Variants in NAGA observed in about 807,000 individuals in gnomAD.
NAGA encodes alpha-N-acetylgalactosaminidase, also known as Acetylgalactosaminidase, alpha-N- (alpha-galactosidase B).
In NAGA, 42 loss-of-function variants were observed where a neutral mutation model predicts 45.6. The ratio of observed to expected loss-of-function variants is 0.92; its 90% CI spans 0.72 to 1.19. The LOEUF (loss-of-function observed/expected upper bound fraction) is 1.19, where lower values mean the gene tolerates loss of function less well. NAGA is among the 50% of genes most tolerant of loss of function. The probability of loss-of-function intolerance (pLI) is 0.00; values close to 1 mark genes in which losing one functional copy is unlikely to be tolerated. For synonymous variants in NAGA, 176 were observed against 203.1 expected (o/e 0.87, Z 1.13); for missense variants, 493 against 544.8 (o/e 0.90, Z 0.95).
At position 42,067,956 on chromosome 22, in the gene NAGA, T is replaced by A. The variant is rs751221139; in HGVS notation, c.153-20A>T. 1.1e-5 allele frequency: 18 copies of A among 1,612,406 alleles called. No homozygotes were observed. The highest frequency in any genetic ancestry group is 1.4e-5 in the Non-Finnish European group (17 of 1,179,532). ...TGTTCACTAGTGAGGGGCAGAGGGA[T>A]GGGGTAGCTCAGGGACCCAGCCCGG... On this transcript the variant is annotated intron_variant, in intron 2 of 8. Transcript: ENST00000396398.
rs930915818 is a variant in NAGA at position 42,060,176 on chromosome 22, C to T, written c.*103G>A. 3 of 1,476,174 alleles carry T rather than the reference C, an allele frequency of 2.0e-6. No homozygotes were observed. Among genetic ancestry groups the T allele is most frequent in the Non-Finnish European group, 2.8e-6 (3 of 1,067,582 alleles). 91.4% of individuals were successfully genotyped at this position (1,476,174 alleles called of 1,614,324 possible). Reference sequence around the variant, plus strand: ...GGGTATGATGGGGTCAGTCACCGAGCAGGCCTGGGGAGCAGAGAACCTCCC... The same window carrying T: ...GGGTATGATGGGGTCAGTCACCGAGTAGGCCTGGGGAGCAGAGAACCTCCC... On this transcript the variant is annotated 3_prime_UTR_variant, in exon 9 of 9. Transcript: ENST00000396398.
Position 42,062,859 on chromosome 22 carries a change from G to A in NAGA, c.925C>T (p.Pro309Ser), listed in dbSNP as rs760857039. ...NPLMIKINQD[P>S]LGIQGRRIHK... Reference sequence around the variant, plus strand: ...ATCCTGCGTCCCTGGATGCCTAAGGGATCCTGGTTGATTTTGATCATGAGT... The same window carrying A: ...ATCCTGCGTCCCTGGATGCCTAAGGAATCCTGGTTGATTTTGATCATGAGT... Residue 309 changes from proline to serine, a missense_variant, in exon 7 of 9, where the codon CCC (proline) becomes TCC (serine). By Grantham distance (74) the Pro-to-Ser change is moderately conservative (BLOSUM62 -1). Coordinates refer to ENST00000396398, the MANE Select transcript of NAGA (RefSeq NM_000262.3). 83 of 1,614,048 alleles carry A rather than the reference G, an allele frequency of 5.1e-5. No homozygotes were observed. In the Middle Eastern group the frequency reaches 6.6e-4, roughly 13 times the overall value.
At chr22:42,067,730 C>G in intron 3 of NAGA, 35 bp downstream of exon 3, 1 of 1,598,998 alleles carries the variant, frequency 6.3e-7, no homozygotes, top group Non-Finnish European at 8.5e-7. Context: ...GTGGTCTAGC[C>G]CTGAGGCCAA....
rs760412026 is a variant in NAGA, at chr22:42,066,716, G to T, written c.591C>A (p.Pro197=). Residue 197 remains proline, a synonymous_variant, in exon 5 of 9, where the codon CCC becomes CCA. Transcript: ENST00000396398. ...AGGGGGCAGAATGGCTTACCCTTGGGGGGAGGCCGCCTTCATAGGCTGGCC... is the reference window on the plus strand; with the variant it reads ...AGGGGGCAGAATGGCTTACCCTTGGTGGGAGGCCGCCTTCATAGGCTGGCC... ...CSWPAYEGGL[P]PRVNYSLLAD... 2.5e-6 allele frequency: 4 copies of T among 1,598,826 alleles called. No homozygotes were observed. The highest frequency in any genetic ancestry group is 2.7e-5 in the African/African-American group (2 of 74,718).
In NAGA at chr22:42,060,097, CA is replaced by C. The variant is rs1024788368; in HGVS notation, c.*181del. ...GGAAAATTGCCCCAAAAGAAGTTTC[CA>C]AGAGGGTTTACGCTTGGACAGGGCA... On this transcript the variant is annotated 3_prime_UTR_variant, in exon 9 of 9. Transcript: ENST00000396398. The C allele has an allele frequency of 1.6e-5, 12 of 761,344 alleles. No homozygotes were observed. The highest frequency in any genetic ancestry group is 2.4e-5 in the Admixed American group (1 of 41,248). 47.2% of individuals were successfully genotyped at this position (761,344 alleles called of 1,614,324 possible).
At chr22:42,063,803 C>T (rs555047566) in intron 6 of NAGA, among the ~76,000 whole-genome samples, 3 of 152,338 alleles carry the variant, frequency 2.0e-5, no homozygotes, top group African/African-American at 4.8e-5. Context: ...GTTTTATCTG[C>T]GGCTGGTCCT....
In NAGA at chr22:42,060,990, G is replaced by A. The variant is rs753153559; in HGVS notation, c.1035C>T (p.Thr345=). The A allele has an allele frequency of 2.0e-5, 33 of 1,614,088 alleles. No homozygotes were observed. Among genetic ancestry groups the A allele is most frequent in the Non-Finnish European group, 2.5e-5 (30 of 1,180,044 alleles). The part of the protein sequence containing the change: ...ASALVFFSCR[T]DMPYRYHSSL... Reference sequence around the variant, plus strand: ...AGGAGTGGTAGCGATAAGGCATATCGGTCCTGCAGCTGAAGAAGACTAAGG... The same window carrying A: ...AGGAGTGGTAGCGATAAGGCATATCAGTCCTGCAGCTGAAGAAGACTAAGG... The change falls in exon 8 of 9, where the codon ACC becomes ACT. Residue 345 remains threonine (T), a synonymous_variant. Transcript: ENST00000396398.
chr22:42,062,713 G>T, intron 7 of NAGA, 114 bp downstream of exon 7: 1 of 1,205,922 alleles, frequency 8.3e-7, no homozygotes, highest in African/African-American at 1.5e-5. Context: ...CCTGGTTGGG[G>T]ACTGGGCGAC....
At chr22:42,070,057 CAGTT>C (rs1472542466) in intron 1 of NAGA, among the ~76,000 whole-genome samples, 1 of 152,242 alleles carries the variant, frequency 6.6e-6, no homozygotes, top group Non-Finnish European at 1.5e-5. Flanking sequence ...TGATATCCAT[CAGTT>C]AGGGCCTCTG....
intron 6 of NAGA, among the ~76,000 whole-genome samples, chr22:42,064,083 G>A (rs1254083292): frequency 2.0e-5 from 3 of 151,866 alleles, no homozygotes; most frequent in Non-Finnish European, 4.4e-5. Flanking sequence ...GCTCACGCCT[G>A]TAATCCCAGC....
chr22:42,066,141 T>C (rs1399374903), intron 5 of NAGA, among the ~76,000 whole-genome samples: 2 of 152,188 alleles, frequency 1.3e-5, no homozygotes, highest in Admixed American at 6.5e-5. Context: ...TCATGCCAGC[T>C]TGGGTCAAAC....
chr22:42,062,720 C>T lies in NAGA; in HGVS notation c.957+107G>A, dbSNP rs112555351. ...GGGGTAGCCCTGGTTGGGGACTGGG[C>T]GACTCCTGTACCTCGCCAGGTGTTG... On this transcript the variant is annotated intron_variant, in intron 7 of 8. Transcript: ENST00000396398. 2.2e-3 allele frequency: 2,892 copies of T among 1,310,060 alleles called. 10 individuals are homozygous for T. The highest frequency in any genetic ancestry group is 0.014 in the Middle Eastern group (71 of 5,160). 81.2% of individuals were successfully genotyped at this position (1,310,060 alleles called of 1,614,324 possible). A position where few individuals can be genotyped will look rare whatever the true frequency, so the allele number is the denominator to read the frequency against.
chr22:42,065,978 G>C, intron 5 of NAGA, 79 bp from the exon 6 acceptor site: 1 of 1,542,304 alleles, frequency 6.5e-7, no homozygotes, highest in Non-Finnish European at 8.8e-7. Context: ...AGTTGAGGAG[G>C]CTCAGCAGGA....
chr22:42,067,637 C>T (rs985775215), intron 3 of NAGA, 128 bp downstream of exon 3: 15 of 801,120 alleles, frequency 1.9e-5, no homozygotes, highest in South Asian at 5.0e-5. Context: ...GGCCAAAAGT[C>T]GGTGTTCATT....
chr22:42,066,524 G>A (rs1926738420), intron 5 of NAGA, among the ~76,000 whole-genome samples, 186 bp downstream of exon 5: 1 of 152,234 alleles, frequency 6.6e-6, no homozygotes, highest in Non-Finnish European at 1.5e-5. Context: ...TCTCTGGGCT[G>A]GCTGAGCCCA....
Sources: gnomAD v4.1 joint callset for allele counts (sites outside exome capture counted in the v4.1 genomes callset) on GRCh38, gnomAD v4.1.1 for gene constraint, MANE v1.5 for transcripts, NCBI Gene and HGNC (gene_info 2026-07-23, HGNC 2026-07-21) for gene names.